The following MALRD1 variants were observed in gnomAD, a reference collection of about 807,000 sequenced individuals.
MALRD1 encodes the protein MAM and LDL-receptor class A domain-containing protein 1.
Under a neutral mutation model 242.1 loss-of-function variants are expected in MALRD1, and 247 were observed. The observed-to-expected ratio is 1.02, with a 90% CI of 0.92 to 1.13. The LOEUF is 1.13. Ranked by LOEUF, MALRD1 falls within the 50% of genes most tolerant of loss-of-function variation. The pLI is 0.00. For synonymous variants in MALRD1, 995 were observed against 866.6 expected, an observed-to-expected ratio of 1.15 and a Z score of -2.60; for missense variants, 2,989 against 2,533.1, an observed-to-expected ratio of 1.18 and a Z score of -3.86.
rs1434913795 is a variant in MALRD1, at chr10:19,091,648, C to T, written c.597+3463C>T. ...TTCTGCTAGCTTTTGAATGAGTTTG[C>T]TCTTGCTTTTCTAGTTCTTTTAATT... On this transcript the variant is annotated intron_variant, in intron 4 of 39. Transcript: ENST00000454679. 3.9e-5 allele frequency among the ~76,000 whole-genome samples: 3 copies of T among 76,188 alleles called. 1 individual carries two copies. Among genetic ancestry groups the T allele is most frequent in the Non-Finnish European group, 7.4e-5 (3 of 40,658 alleles). The allele number at this position is 76,188 out of a possible 152,430, so 50.0% of individuals were successfully genotyped here.
chr10:19,521,861 C>T lies in MALRD1; in HGVS notation c.5321-9333C>T, dbSNP rs368880222. On this transcript the variant is annotated intron_variant, in intron 31 of 39. Coordinates refer to ENST00000454679, the MANE Select transcript of MALRD1 (RefSeq NM_001142308.3). ...TTCCTTGCAGAAAGCATCTTCTTCT[C>T]ATGACTCTAGTATCTCTGTTATTGT... 3.9e-5 allele frequency among the ~76,000 whole-genome samples: 6 copies of T among 152,126 alleles called. No homozygotes were observed. The East Asian group carries it at 9.6e-4, about 24-fold the overall frequency.
chr10:19,592,778 C>CAG (rs1274960490), intron 33 of MALRD1, among the ~76,000 whole-genome samples: 2 of 151,482 alleles, frequency 1.3e-5, no homozygotes, highest in African/African-American at 4.9e-5. Flanking sequence ...CACACACACA[C>CAG]ACACACACAC....
chr10:19,554,737 G>T (rs1184220918), intron 32 of MALRD1, among the ~76,000 whole-genome samples: 2 of 152,090 alleles, frequency 1.3e-5, no homozygotes, highest in African/African-American at 2.4e-5. Context: ...TCCTTTTTAT[G>T]GCTGCATAGC....
At chr10:19,695,117 A>G (rs1436928393) in intron 38 of MALRD1, among the ~76,000 whole-genome samples, 1 of 152,146 alleles carries the variant, frequency 6.6e-6, no homozygotes, top group Non-Finnish European at 1.5e-5. Context: ...GATATACCCA[A>G]TGTAAATGAT....
At chr10:19,386,943 A>G (rs1194586436) in intron 26 of MALRD1, among the ~76,000 whole-genome samples, 2 of 152,172 alleles carry the variant, frequency 1.3e-5, no homozygotes. Context: ...TTGGCATTGC[A>G]TTGCAGAAAA....
intron 26 of MALRD1, among the ~76,000 whole-genome samples, chr10:19,384,270 A>C (rs140959792): frequency 1.4e-5 from 2 of 139,120 alleles, no homozygotes; most frequent in South Asian, 4.2e-4. Context: ...AAAACATAAT[A>C]CATATCTTAT....
Position 19,348,960 on chromosome 10 carries a change from T to A in MALRD1, c.4149+942T>A, listed in dbSNP as rs567142383. On this transcript the variant is annotated intron_variant, in intron 25 of 39. Coordinates refer to ENST00000454679, the MANE Select transcript of MALRD1 (RefSeq NM_001142308.3). ...AAACAAATTACATCCAGAAACTTTCTTCCCTTCCCTTCCCCTTCCCTTCAA... is the reference window on the plus strand; with the variant it reads ...AAACAAATTACATCCAGAAACTTTCATCCCTTCCCTTCCCCTTCCCTTCAA... Among the ~76,000 whole-genome samples, 8 of 152,272 alleles carry A rather than the reference T, an allele frequency of 5.3e-5. No individual in the cohort carries two copies. In the South Asian group the frequency reaches 1.7e-3, roughly 32 times the overall value.
At chr10:19,702,408 T>C (rs1833669148) in intron 38 of MALRD1, among the ~76,000 whole-genome samples, 1 of 152,176 alleles carries the variant, frequency 6.6e-6, no homozygotes, top group Admixed American at 6.5e-5. Flanking sequence ...CCTGCCATCC[T>C]GTCAGGGTGA....
intron 8 of MALRD1, among the ~76,000 whole-genome samples, chr10:19,129,753 T>A (rs1837393931): frequency 6.7e-6 from 1 of 148,414 alleles, no homozygotes; most frequent in Non-Finnish European, 1.5e-5. Context: ...TTATATGTAA[T>A]ATAATATATA....
intron 38 of MALRD1, among the ~76,000 whole-genome samples, chr10:19,719,223 CAT>C (rs368394538): frequency 0.024 from 1,851 of 76,318 alleles, 50 homozygotes; most frequent in Middle Eastern, 0.067. Context: ...CACATACATA[CAT>C]ATATATATAT....
At chr10:19,327,702 G>A (rs2130909244) in intron 23 of MALRD1, 29 bp downstream of exon 23, 1 of 1,485,286 alleles carries the variant, frequency 6.7e-7, no homozygotes, top group Non-Finnish European at 9.2e-7. Flanking sequence ...TATGGGGTGA[G>A]TGAGTTCTGC....
intron 32 of MALRD1, among the ~76,000 whole-genome samples, chr10:19,547,804 A>C (rs1201111742): frequency 2.0e-3 from 26 of 13,306 alleles, no homozygotes; most frequent in African/African-American, 4.9e-3. Flanking sequence ...ATATATATAT[A>C]TATATATATA....
chr10:19,151,632 T>A (rs910223543), intron 11 of MALRD1, among the ~76,000 whole-genome samples: 6 of 152,284 alleles, frequency 3.9e-5, no homozygotes, highest in Admixed American at 3.9e-4. Context: ...TGTCAATAGT[T>A]GAACCTTAAG....
chr10:19,632,695 T>C (rs1257165101), intron 36 of MALRD1, among the ~76,000 whole-genome samples: 4 of 151,852 alleles, frequency 2.6e-5, no homozygotes, highest in African/African-American at 7.3e-5. Context: ...CTAACCCCTT[T>C]CCAGACAAAC....
intron 26 of MALRD1, among the ~76,000 whole-genome samples, chr10:19,383,242 CT>C (rs1845912115): frequency 6.6e-6 from 1 of 151,990 alleles, no homozygotes. Flanking sequence ...TCTGTTGTTC[CT>C]TTCTTAGTGT....
intron 18 of MALRD1, among the ~76,000 whole-genome samples, chr10:19,244,709 G>A (rs1282928265): frequency 6.6e-6 from 1 of 152,152 alleles, no homozygotes; most frequent in Non-Finnish European, 1.5e-5. Context: ...AACGTGCAAC[G>A]TGCAACCTAA....
rs576362260 is a variant in MALRD1, at chr10:19,575,663, G to A, written c.5680+7960G>A. 6.6e-5 allele frequency among the ~76,000 whole-genome samples: 10 copies of A among 152,218 alleles called. No homozygotes were observed. The East Asian group carries it at 1.9e-3, about 29-fold the overall frequency. ...TGAATAATAAGAAAATGCCATTAAT[G>A]TCTTCAGTGCCTGTGCATACCCTTC... On this transcript the variant is annotated intron_variant, in intron 33 of 39. Coordinates refer to ENST00000454679, the MANE Select transcript of MALRD1 (RefSeq NM_001142308.3).
chr10:19,539,916 A>ACACGCGCGCGCGCGCGCGCG (rs1564425621), intron 32 of MALRD1, among the ~76,000 whole-genome samples: 1 of 46,756 alleles, frequency 2.1e-5, no homozygotes, highest in East Asian at 6.4e-4. Context: ...GCGTGCGCGC[A>ACACGCGCGCGCGCGCGCGCG]CACACGCGCA....
rs375894794 is a variant in MALRD1, at chr10:19,577,193, G to C, written c.5680+9490G>C. On this transcript the variant is annotated intron_variant, in intron 33 of 39. Transcript: ENST00000454679. ...ATAAGGCCTCGTTTTAAAATGAATA[G>C]TGATAAATGTATAAAAGCCGAAAGG... Among the ~76,000 whole-genome samples, 100 of 152,212 alleles carry C rather than the reference G, an allele frequency of 6.6e-4. No homozygotes were observed. In the South Asian group the frequency reaches 0.015, roughly 23 times the overall value.
Sources: gnomAD v4.1 joint callset for allele counts (sites outside exome capture counted in the v4.1 genomes callset) on GRCh38, gnomAD v4.1.1 for gene constraint, MANE v1.5 for transcripts, NCBI Gene and HGNC (gene_info 2026-07-23, HGNC 2026-07-21) for gene names.